Variants in KCNH7 observed in about 807,000 individuals in gnomAD.
KCNH7 encodes the protein voltage-gated inwardly rectifying potassium channel KCNH7.
KCNH7 carries 49 observed loss-of-function variants against 120.8 expected under a neutral mutation model. The ratio of observed to expected loss-of-function variants is 0.41; its 90% CI spans 0.32 to 0.51. KCNH7 has a LOEUF of 0.51. Among genes scored for constraint, KCNH7 ranks in the 20% least tolerant of loss-of-function variants. The probability of loss-of-function intolerance (pLI) is 0.38; values close to 1 mark genes in which losing one functional copy is unlikely to be tolerated. For synonymous variants in KCNH7, 547 were observed against 516.1 expected, an observed-to-expected ratio of 1.06 and a Z score of -0.81; for missense variants, 1,097 against 1,446.6, an observed-to-expected ratio of 0.76 and a Z score of 3.92.
intron 2 of KCNH7, among the ~76,000 whole-genome samples, chr2:162,635,552 C>A (rs923285009): frequency 6.6e-6 from 1 of 151,978 alleles, no homozygotes; most frequent in African/African-American, 2.4e-5. Context: ...TGATTTTACA[C>A]CCACCCACAC....
Position 162,380,021 on chromosome 2 carries a change from T to A in KCNH7, c.2963A>T (p.Asp988Val). 6.2e-7 allele frequency: 1 copy of A among 1,613,814 alleles called. No individual in the cohort carries two copies. Residue 988 changes from aspartate to valine, a missense_variant and splice_region_variant, in exon 14 of 16, where the codon GAT becomes GTT. Transcript: ENST00000332142. Reference sequence around the variant, plus strand: ...TTCCCAGCTTCGCATGTCAGTGATATCTGTGGAAAATAGCAAGATGGATGT... The same window carrying A: ...TTCCCAGCTTCGCATGTCAGTGATAACTGTGGAAAATAGCAAGATGGATGT... ...HIDKRSHSCK[D>V]ITDMRSWERE... is the part of the protein sequence containing the mutation.
Position 162,396,750 on chromosome 2 carries a change from T to A in KCNH7, c.2603A>T (p.Glu868Val). The A allele has an allele frequency of 6.2e-7, 1 of 1,609,602 alleles. No homozygotes were observed. Among genetic ancestry groups the A allele is most frequent in the Non-Finnish European group, 8.5e-7 (1 of 1,177,018 alleles). ...ACAGTTAACATATACCTTTGCGCTCTCATGCCTTAGGTTGAAAGTCAACTC... is the reference window on the plus strand; with the variant it reads ...ACAGTTAACATATACCTTTGCGCTCACATGCCTTAGGTTGAAAGTCAACTC... ...NLELTFNLRH[E>V]SAKADLLRSQ... Residue 868 changes from glutamate to valine, a missense_variant, in exon 11 of 16, where the codon GAG becomes GTG. By Grantham distance (121) the Glu-to-Val change is moderately radical. Transcript: ENST00000332142.
intron 2 of KCNH7, among the ~76,000 whole-genome samples, chr2:162,669,514 T>G (rs1685263043): frequency 6.6e-6 from 1 of 152,222 alleles, no homozygotes; most frequent in African/African-American, 2.4e-5. Context: ...TCTATTTTGC[T>G]ATTGCTCTCA....
intron 11 of KCNH7, 103 bp from the exon 12 acceptor site, chr2:162,394,588 G>C (rs989382151): frequency 1.9e-5 from 13 of 689,120 alleles, no homozygotes; most frequent in Non-Finnish European, 3.2e-5. Flanking sequence ...CAACCATCTT[G>C]AGACTTAATT....
intron 2 of KCNH7, among the ~76,000 whole-genome samples, chr2:162,775,665 A>G (rs974675047): frequency 6.6e-6 from 1 of 152,214 alleles, no homozygotes; most frequent in Admixed American, 6.5e-5. Flanking sequence ...ATTCATTTGC[A>G]TTGTGTACCA....
chr2:162,648,774 C>A (rs79881448), intron 2 of KCNH7, among the ~76,000 whole-genome samples: 2 of 151,992 alleles, frequency 1.3e-5, no homozygotes, highest in South Asian at 2.1e-4. Context: ...TACCACCCCC[C>A]CAAAAAAATT....
intron 2 of KCNH7, among the ~76,000 whole-genome samples, chr2:162,746,031 A>G (rs1474479248): frequency 6.6e-6 from 1 of 152,080 alleles, no homozygotes; most frequent in Non-Finnish European, 1.5e-5. Context: ...AAATGAAACT[A>G]ATAAACTTTA....
At chr2:162,773,439 G>T (rs305692) in intron 2 of KCNH7, among the ~76,000 whole-genome samples, 4 of 152,252 alleles carry the variant, frequency 2.6e-5, no homozygotes, top group Admixed American at 1.3e-4. Context: ...AGTGAGCCGA[G>T]ATCACGCCGC....
At chr2:162,714,401 G>A (rs569721025) in intron 2 of KCNH7, among the ~76,000 whole-genome samples, 1 of 152,294 alleles carries the variant, frequency 6.6e-6, no homozygotes, top group Admixed American at 6.5e-5. Flanking sequence ...AGAGCCGTGA[G>A]GGAGGAAAAT....
intron 3 of KCNH7, among the ~76,000 whole-genome samples, chr2:162,530,466 G>A (rs1042834744): frequency 7.3e-5 from 11 of 149,678 alleles, no homozygotes; most frequent in Non-Finnish European, 1.3e-4. Flanking sequence ...GTGCGCGAGC[G>A]TGCGCGCACA....
intron 2 of KCNH7, among the ~76,000 whole-genome samples, chr2:162,659,003 G>A (rs972621379): frequency 6.6e-6 from 1 of 152,040 alleles, no homozygotes; most frequent in Admixed American, 6.6e-5. Flanking sequence ...TCCAGTACAA[G>A]CCAAAAAAGA....
intron 2 of KCNH7, among the ~76,000 whole-genome samples, chr2:162,642,122 T>C (rs1684178186): frequency 1.3e-5 from 2 of 152,144 alleles, no homozygotes; most frequent in Non-Finnish European, 2.9e-5. Flanking sequence ...TTGCTGTGGT[T>C]AAATTCAGGA....
At chr2:162,407,514 C>T (rs1044496523) in intron 9 of KCNH7, among the ~76,000 whole-genome samples, 1 of 151,976 alleles carries the variant, frequency 6.6e-6, no homozygotes, top group Admixed American at 6.6e-5. Context: ...CTTTCATACA[C>T]ATGTCCTTGT....
chr2:162,706,607 G>A (rs1266419236), intron 2 of KCNH7, among the ~76,000 whole-genome samples: 1 of 151,994 alleles, frequency 6.6e-6, no homozygotes, highest in Non-Finnish European at 1.5e-5. Flanking sequence ...AATCAAAGAT[G>A]TTCAAACTCC....
intron 2 of KCNH7, among the ~76,000 whole-genome samples, chr2:162,569,831 T>C (rs1298516906): frequency 3.0e-5 from 4 of 132,586 alleles, no homozygotes; most frequent in African/African-American, 6.0e-5. Context: ...TCCATGTAGT[T>C]GAGTGGTTTT....
intron 12 of KCNH7, among the ~76,000 whole-genome samples, chr2:162,386,086 A>C (rs1686562430): frequency 6.6e-6 from 1 of 151,914 alleles, no homozygotes; most frequent in South Asian, 2.1e-4. Context: ...ATTTTCTTTA[A>C]GATTTCACAC....
At chr2:162,748,169 T>C (rs914851831) in intron 2 of KCNH7, among the ~76,000 whole-genome samples, 1 of 152,208 alleles carries the variant, frequency 6.6e-6, no homozygotes, top group African/African-American at 2.4e-5. Context: ...ACCTCATTAT[T>C]TCATAGCCCT....
At chr2:162,377,100 C>T (rs1040123914) in intron 14 of KCNH7, among the ~76,000 whole-genome samples, 4 of 152,100 alleles carry the variant, frequency 2.6e-5, no homozygotes, top group South Asian at 2.1e-4. Flanking sequence ...CACTATAGAA[C>T]GTGTCCTGGG....
intron 9 of KCNH7, among the ~76,000 whole-genome samples, chr2:162,421,568 G>T (rs1203574809): frequency 1.3e-5 from 2 of 152,078 alleles, no homozygotes; most frequent in Non-Finnish European, 1.5e-5. Context: ...AGATAACAAG[G>T]GTGTTCTCCA....
Sources: gnomAD v4.1 joint callset for allele counts (sites outside exome capture counted in the v4.1 genomes callset) on GRCh38, gnomAD v4.1.1 for gene constraint, MANE v1.5 for transcripts, NCBI Gene and HGNC (gene_info 2026-07-23, HGNC 2026-07-21) for gene names.